Variants in SEC14L5 observed in about 807,000 individuals in gnomAD.
SEC14L5 encodes the protein SEC14-like protein 5.
Under a neutral mutation model 84.6 loss-of-function variants are expected in SEC14L5, and 96 were observed. The observed-to-expected ratio is 1.13, with a 90% CI of 0.96 to 1.34. The LOEUF (loss-of-function observed/expected upper bound fraction) is 1.34, where lower values mean the gene tolerates loss of function less well. Among genes scored for constraint, SEC14L5 ranks in the 40% most tolerant of loss-of-function variants. The pLI is 0.00. For missense variants in SEC14L5, 1,224 were observed against 942.5 expected (o/e 1.30, Z -3.91); for synonymous variants, 546 against 383.4 (o/e 1.42, Z -4.95).
chr16:4,977,651 T>C (rs1287584511), intron 2 of SEC14L5, among the ~76,000 whole-genome samples: 1 of 151,798 alleles, frequency 6.6e-6, no homozygotes, highest in Admixed American at 6.6e-5. Context: ...TTGACATGGG[T>C]AGAGCCCAGG....
chr16:5,017,270 GCT>G lies in SEC14L5; in HGVS notation c.*2306_*2307del, dbSNP rs758505237. 4 of 152,222 alleles carry G rather than the reference GCT, an allele frequency of 2.6e-5. No homozygotes were observed. The highest frequency in any genetic ancestry group is 1.5e-5 in the Non-Finnish European group (1 of 68,068). The allele number at this position is 152,222 out of a possible 1,614,324, so 9.4% of individuals were successfully genotyped here. On this transcript the variant is annotated 3_prime_UTR_variant, in exon 16 of 16. Transcript: ENST00000251170. The stretch of plus-strand genomic sequence containing the variant: ...CCCTTTCAGTTCTGCTCTTGAGAGT[GCT>G]CTCTCCCTAGGGAAAACCAGCCCAA...
rs373743963 is a variant in SEC14L5, at chr16:4,988,202, G to A, written c.267G>A (p.Lys89=). Reference sequence around the variant, plus strand: ...TGCAGACAAACATCTTGAACTGGAAGGAGAGGACGCTCCTCATCGAAGCGC... The same window carrying A: ...TGCAGACAAACATCTTGAACTGGAAAGAGAGGACGCTCCTCATCGAAGCGC... ...VFVQTNILNW[K]ERTLLIEAHN... is the part of the protein sequence containing the mutation. Residue 89 remains lysine (K), a synonymous_variant, in exon 4 of 16, where the codon AAG becomes AAA. Transcript: ENST00000251170. 1.2e-5 allele frequency: 19 copies of A among 1,613,560 alleles called. No homozygotes were observed. Among genetic ancestry groups the A allele is most frequent in the East Asian group, 6.7e-5 (3 of 44,880 alleles).
rs1421987445 is a variant in SEC14L5 at position 5,016,093 on chromosome 16, T to C, written c.*1123T>C. ...TAGAACTGGCCAGTCCAGGAGGGCT[T>C]GCTTCAGGTAAGGCTAGATCCAGGG... On this transcript the variant is annotated 3_prime_UTR_variant, in exon 16 of 16. Coordinates refer to ENST00000251170, the MANE Select transcript of SEC14L5 (RefSeq NM_014692.2). The C allele has an allele frequency of 6.6e-6, 1 of 152,184 alleles. No individual in the cohort carries two copies. The highest frequency in any genetic ancestry group is 1.5e-5 in the Non-Finnish European group (1 of 68,056). The allele number at this position is 152,184 out of a possible 1,614,324, so 9.4% of individuals were successfully genotyped here. A position where few individuals can be genotyped will look rare whatever the true frequency, so the allele number is the denominator to read the frequency against.
chr16:4,978,189 C>T (rs1489772802), intron 2 of SEC14L5, among the ~76,000 whole-genome samples: 14 of 32,776 alleles, frequency 4.3e-4, no homozygotes, highest in African/African-American at 1.6e-3. Flanking sequence ...GCGAGACGGG[C>T]GGATCACGAG....
In SEC14L5 at chr16:5,012,654, C is replaced by T. The variant is rs529490419; in HGVS notation, c.1979+1381C>T. Among the ~76,000 whole-genome samples, 472 of 152,364 alleles carry T rather than the reference C, an allele frequency of 3.1e-3. 2 individuals carry two copies. The highest frequency in any genetic ancestry group is 0.011 in the African/African-American group (443 of 41,590). On this transcript the variant is annotated intron_variant, in intron 15 of 15. Coordinates refer to ENST00000251170, the MANE Select transcript of SEC14L5 (RefSeq NM_014692.2). ...GTGTGGTGGCTCACGCCTGTAATCC[C>T]AGCACTTTGGGAAGCCGAGGTGGGT...
Position 5,016,074 on chromosome 16 carries a change from T to A in SEC14L5, c.*1104T>A, listed in dbSNP as rs1429034308. The A allele has an allele frequency of 6.6e-6, 1 of 152,172 alleles. No individual in the cohort carries two copies. The highest frequency in any genetic ancestry group is 1.5e-5 in the Non-Finnish European group (1 of 68,028). The allele number at this position is 152,172 out of a possible 1,614,324, so 9.4% of individuals were successfully genotyped here. A position where few individuals can be genotyped will look rare whatever the true frequency, so the allele number is the denominator to read the frequency against. ...ATGATCATTCATGGGTGCATAGAACTGGCCAGTCCAGGAGGGCTTGCTTCA... is the reference window on the plus strand; with the variant it reads ...ATGATCATTCATGGGTGCATAGAACAGGCCAGTCCAGGAGGGCTTGCTTCA... On this transcript the variant is annotated 3_prime_UTR_variant, in exon 16 of 16. Coordinates refer to ENST00000251170, the MANE Select transcript of SEC14L5 (RefSeq NM_014692.2).
At chr16:5,011,770 C>G (rs780867315) in intron 15 of SEC14L5, among the ~76,000 whole-genome samples, 1 of 152,174 alleles carries the variant, frequency 6.6e-6, no homozygotes. Context: ...TGCTTCATCC[C>G]TTAAATGGGA....
chr16:4,965,457 C>G (rs996920544), intron 2 of SEC14L5, among the ~76,000 whole-genome samples: 4 of 149,334 alleles, frequency 2.7e-5, no homozygotes, highest in South Asian at 2.1e-4. Context: ...GTCAGGAGAT[C>G]GAGACCATCC....
At chr16:4,971,053 C>T (rs1157872272) in intron 2 of SEC14L5, among the ~76,000 whole-genome samples, 9 of 144,770 alleles carry the variant, frequency 6.2e-5, no homozygotes, top group Admixed American at 4.3e-4. Context: ...GATACAGAGC[C>T]GAGATTGCAC....
chr16:4,965,101 C>G (rs1370890630), intron 2 of SEC14L5, among the ~76,000 whole-genome samples: 1 of 152,100 alleles, frequency 6.6e-6, no homozygotes, highest in African/African-American at 2.4e-5. Context: ...ATGTCTTTAA[C>G]GTATACATCT....
At chr16:4,999,530 GGATT>G (rs1348333430) in intron 8 of SEC14L5, among the ~76,000 whole-genome samples, 1 of 152,080 alleles carries the variant, frequency 6.6e-6, no homozygotes, top group Non-Finnish European at 1.5e-5. Context: ...TGAGGTGGGA[GGATT>G]GTTTAAGCTG....
chr16:4,963,688 C>A (rs970842887), intron 2 of SEC14L5, among the ~76,000 whole-genome samples: 1 of 151,160 alleles, frequency 6.6e-6, no homozygotes, highest in East Asian at 2.0e-4. Context: ...GAGTCTCGCC[C>A]TGTTGCTGAG....
chr16:4,998,911 C>G (rs1376943047), intron 8 of SEC14L5, among the ~76,000 whole-genome samples: 1 of 152,084 alleles, frequency 6.6e-6, no homozygotes, highest in Admixed American at 6.5e-5. Flanking sequence ...CTTGTAACCC[C>G]CAAATCAGTA....
intron 7 of SEC14L5, among the ~76,000 whole-genome samples, 194 bp downstream of exon 7, chr16:4,996,654 C>G (rs1354226230): frequency 1.3e-5 from 2 of 152,026 alleles, no homozygotes; most frequent in African/African-American, 2.4e-5. Flanking sequence ...TCACTGCAAC[C>G]TTCGCCTCCT....
At position 5,008,417 on chromosome 16, in the gene SEC14L5, A is replaced by G. The variant is rs753987348; in HGVS notation, c.1573-4A>G. ...ACTCTCAGACCTCGCCTGTCTCCAC[A>G]CAGGTGGCCGTGGAGATCCTGGAAG... On this transcript the variant is annotated splice_polypyrimidine_tract_variant and splice_region_variant and intron_variant, in intron 13 of 15. Transcript: ENST00000251170. 76 of 1,604,562 alleles carry G rather than the reference A, an allele frequency of 4.7e-5. No individual in the cohort carries two copies. Among genetic ancestry groups the G allele is most frequent in the South Asian group, 7.7e-5 (7 of 90,656 alleles).
chr16:4,980,544 T>C (rs760358467), intron 2 of SEC14L5, among the ~76,000 whole-genome samples: 1 of 152,132 alleles, frequency 6.6e-6, no homozygotes, highest in African/African-American at 2.4e-5. Flanking sequence ...TTGAGGCTCT[T>C]TGGGCCAAGT....
At chr16:4,970,437 G>C (rs1479698436) in intron 2 of SEC14L5, among the ~76,000 whole-genome samples, 1 of 152,214 alleles carries the variant, frequency 6.6e-6, no homozygotes, top group Non-Finnish European at 1.5e-5. Context: ...GTGGCTGGCA[G>C]CGTCATCAGG....
At chr16:5,010,849 C>G (rs1955791517) in intron 14 of SEC14L5, 1 of 489,736 alleles carries the variant, frequency 2.0e-6, no homozygotes, top group Admixed American at 3.2e-5. Flanking sequence ...AAGTTGCACC[C>G]CCACCCCCAG....
At position 4,988,219 on chromosome 16, in the gene SEC14L5, T is replaced by C. The variant is rs1955515768; in HGVS notation, c.284T>C (p.Ile95Thr). Residue 95 changes from isoleucine to threonine, a missense_variant, in exon 4 of 16, where the codon ATC becomes ACC. Transcript: ENST00000251170. ...AACTGGAAGGAGAGGACGCTCCTCA[T>C]CGAAGCGCACAATGAGACCTTCGCC... is the stretch of plus-strand genomic sequence containing the variant. ...ILNWKERTLL[I>T]EAHNETFANR... The C allele has an allele frequency of 6.2e-7, 1 of 1,610,040 alleles. No individual in the cohort carries two copies. Among genetic ancestry groups the C allele is most frequent in the Non-Finnish European group, 8.5e-7 (1 of 1,177,452 alleles).
Sources: allele counts gnomAD v4.1 joint callset (sites outside exome capture counted in the v4.1 genomes callset), GRCh38; gene constraint gnomAD v4.1.1; transcripts MANE v1.5; gene names NCBI Gene and HGNC (gene_info 2026-07-23, HGNC 2026-07-21).